Variants in ZDHHC3 observed in about 807,000 individuals in gnomAD.
The protein encoded by ZDHHC3 is zDHHC palmitoyltransferase 3.
Under a neutral mutation model 30.6 loss-of-function variants are expected in ZDHHC3, and 9 were observed. The observed-to-expected ratio is 0.29, with a 90% CI of 0.18 to 0.51. The LOEUF (loss-of-function observed/expected upper bound fraction) is 0.51. Ranked by LOEUF, ZDHHC3 falls within the 20% of genes least tolerant of loss-of-function variation. The pLI, the probability that ZDHHC3 is intolerant of heterozygous loss-of-function variation, is 0.97. For synonymous variants in ZDHHC3, 136 were observed against 140.2 expected (o/e 0.97, Z 0.21); for missense variants, 246 against 384.2 (o/e 0.64, Z 3.01).
At chr3:44,969,467 G>A (rs1268257408) in intron 1 of ZDHHC3, 7 of 152,208 alleles carry the variant, frequency 4.6e-5, no homozygotes, top group African/African-American at 1.7e-4. Context: ...AAGTGGTGGA[G>A]ACAGGATATA....
intron 3 of ZDHHC3, among the ~76,000 whole-genome samples, chr3:44,936,139 T>C (rs1000461922): frequency 1.3e-5 from 2 of 152,056 alleles, no homozygotes; most frequent in Non-Finnish European, 2.9e-5. Context: ...ATCTGGCAAC[T>C]ATAAGGAAAT....
rs184758893 is a variant in ZDHHC3, at chr3:44,944,393, G to A, written c.431+775C>T. Among the ~76,000 whole-genome samples, 546 of 152,228 alleles carry A rather than the reference G, an allele frequency of 3.6e-3. 13 individuals are homozygous for A. In the East Asian group the frequency reaches 0.052, roughly 14 times the overall value. On this transcript the variant is annotated intron_variant, in intron 3 of 6. Coordinates refer to ENST00000424952, the MANE Select transcript of ZDHHC3 (RefSeq NM_001135179.2). ...ACTCCTGACCTCAGGTGATCCGCCC[G>A]CCTCAGCCTCCTAAAGTGCTGGGAT...
chr3:44,974,359 T>C (rs1189883227), intron 1 of ZDHHC3, among the ~76,000 whole-genome samples: 1 of 152,234 alleles, frequency 6.6e-6, no homozygotes, highest in African/African-American at 2.4e-5. Context: ...CTTTTCTTCC[T>C]GTGTCTTTCT....
chr3:44,926,934 A>G (rs1701041936), intron 6 of ZDHHC3, 87 bp from the exon 7 acceptor site: 1 of 1,443,296 alleles, frequency 6.9e-7, no homozygotes, highest in African/African-American at 1.4e-5. Context: ...AGGTGAATGG[A>G]GTAAATGTTT....
intron 1 of ZDHHC3, among the ~76,000 whole-genome samples, chr3:44,963,500 C>A (rs201374896): frequency 4.8e-5 from 7 of 146,258 alleles, no homozygotes; most frequent in Admixed American, 6.8e-5. Flanking sequence ...AGAAATATGG[C>A]AAAAAAAAAA....
At chr3:44,966,423 T>C (rs1245416807) in intron 1 of ZDHHC3, among the ~76,000 whole-genome samples, 1 of 152,222 alleles carries the variant, frequency 6.6e-6, no homozygotes, top group African/African-American at 2.4e-5. Flanking sequence ...TAGTTCAGTC[T>C]ACCCTTAAAC....
Position 44,925,457 on chromosome 3 carries a change from C to T in ZDHHC3, c.*1232G>A. ...GCACTTGGAGGGCACTCCCTACCTC[C>T]TTCACCTCTATCCACCATCACCACC... On this transcript the variant is annotated 3_prime_UTR_variant, in exon 7 of 7. Transcript: ENST00000424952. 2 of 985,480 alleles carry T rather than the reference C, an allele frequency of 2.0e-6. No homozygotes were observed. Among genetic ancestry groups the T allele is most frequent in the African/African-American group, 1.7e-5 (1 of 57,374 alleles). 61.0% of individuals were successfully genotyped at this position (985,480 alleles called of 1,614,324 possible). A position where few individuals can be genotyped will look rare whatever the true frequency, so the allele number is the denominator to read the frequency against.
At position 44,917,814 on chromosome 3, in the gene ZDHHC3, C is replaced by A. The variant is rs1318019583; in HGVS notation, c.*8875G>T. The stretch of plus-strand genomic sequence containing the variant: ...CTGGGGGTGCTGGGAGCGCACCATG[C>A]CCATAAGCCCCTTTAGCCAAAACCC... On this transcript the variant is annotated 3_prime_UTR_variant, in exon 7 of 7. Transcript: ENST00000424952. 4 of 1,254,442 alleles carry A rather than the reference C, an allele frequency of 3.2e-6. No individual in the cohort carries two copies. The highest frequency in any genetic ancestry group is 3.1e-5 in the African/African-American group (2 of 65,312). The allele number at this position is 1,254,442 out of a possible 1,614,324, so 77.7% of individuals were successfully genotyped here. A position where few individuals can be genotyped will look rare whatever the true frequency, so the allele number is the denominator to read the frequency against.
At chr3:44,955,867 T>G (rs1703908934) in intron 2 of ZDHHC3, among the ~76,000 whole-genome samples, 1 of 152,174 alleles carries the variant, frequency 6.6e-6, no homozygotes, top group Non-Finnish European at 1.5e-5. Context: ...ATGAAGACCC[T>G]AAAATAGGGC....
chr3:44,932,784 AC>A (rs869063901), intron 5 of ZDHHC3: 4 of 675,226 alleles, frequency 5.9e-6, no homozygotes, highest in Non-Finnish European at 5.2e-6. Context: ...AAGACAGAAA[AC>A]AAAACTTCTC....
chr3:44,933,439 C>CCAGGCATGACCTGGGCTCCAGG, intron 4 of ZDHHC3: 1 of 588,656 alleles, frequency 1.7e-6, no homozygotes, highest in Non-Finnish European at 3.0e-6. Flanking sequence ...AAGCCCGTCA[C>CCAGGCATGACCTGGGCTCCAGG]CAGGCATGAC....
At position 44,924,835 on chromosome 3, in the gene ZDHHC3, C is replaced by A. The variant is rs1700856656; in HGVS notation, c.*1854G>T. 1.0e-6 allele frequency: 1 copy of A among 985,400 alleles called. No individual in the cohort carries two copies. Among genetic ancestry groups the A allele is most frequent in the South Asian group, 4.7e-5 (1 of 21,294 alleles). 61.0% of individuals were successfully genotyped at this position (985,400 alleles called of 1,614,324 possible). A position where few individuals can be genotyped will look rare whatever the true frequency, so the allele number is the denominator to read the frequency against. On this transcript the variant is annotated 3_prime_UTR_variant, in exon 7 of 7. Coordinates refer to ENST00000424952, the MANE Select transcript of ZDHHC3 (RefSeq NM_001135179.2). ...TATCAACTTGATCTAAAACAGCATT[C>A]TTTTCTTTTTAATCTTAGCATCTCA...
At chr3:44,943,538 A>T (rs1315323476) in intron 3 of ZDHHC3, among the ~76,000 whole-genome samples, 4 of 152,136 alleles carry the variant, frequency 2.6e-5, no homozygotes, top group Non-Finnish European at 5.9e-5. Flanking sequence ...GCCAGGCAGA[A>T]ATCGCCGTTC....
intron 1 of ZDHHC3, among the ~76,000 whole-genome samples, chr3:44,964,848 G>T (rs2125921679): frequency 6.6e-6 from 1 of 152,224 alleles, no homozygotes; most frequent in South Asian, 2.1e-4. Context: ...TTGGCTAAGG[G>T]TTTTATAGCA....
intron 2 of ZDHHC3, among the ~76,000 whole-genome samples, chr3:44,947,908 C>G (rs533275688): frequency 6.6e-6 from 1 of 152,316 alleles, no homozygotes; most frequent in South Asian, 2.1e-4. Context: ...CAACAGGGAG[C>G]CAAGGATGTG....
chr3:44,959,357 G>T lies in ZDHHC3; in HGVS notation c.80C>A (p.Pro27His). 1.2e-6 allele frequency: 2 copies of T among 1,614,238 alleles called. No individual in the cohort carries two copies. The highest frequency in any genetic ancestry group is 1.3e-5 in the African/African-American group (1 of 75,076). ...GGTTCCCACAGGACCAGGGTAGGGG[G>T]GTGGGACACACTTCTCTGGCTGGAG... is the stretch of plus-strand genomic sequence containing the variant. ...EYLQPEKCVP[P>H]PYPGPVGTMW... The change falls in exon 2 of 7, where the codon CCC becomes CAC. Residue 27 changes from proline to histidine, a missense_variant. Coordinates refer to ENST00000424952, the MANE Select transcript of ZDHHC3 (RefSeq NM_001135179.2). The surrounding 1 kb of genome is among the most constrained non-coding windows in gnomAD (Gnocchi z 4.3).
Position 44,923,304 on chromosome 3 carries a change from T to C in ZDHHC3, c.*3385A>G. ...TGTTAGCCAGGATGATCTCGATCTC[T>C]TGACCTCGTGATCTGCCCGCCTCGG... On this transcript the variant is annotated 3_prime_UTR_variant, in exon 7 of 7. Transcript: ENST00000424952. 2.1e-6 allele frequency: 2 copies of C among 966,348 alleles called. No individual in the cohort carries two copies. Among genetic ancestry groups the C allele is most frequent in the Non-Finnish European group, 2.5e-6 (2 of 812,610 alleles). The allele number at this position is 966,348 out of a possible 1,614,324, so 59.9% of individuals were successfully genotyped here.
Position 44,929,297 on chromosome 3 carries a change from C to T in ZDHHC3, c.741+9G>A. 1 of 1,613,482 alleles carries T rather than the reference C, an allele frequency of 6.2e-7. No homozygotes were observed. Among genetic ancestry groups the T allele is most frequent in the Non-Finnish European group, 8.5e-7 (1 of 1,179,658 alleles). On this transcript the variant is annotated intron_variant, in intron 6 of 6. Coordinates refer to ENST00000424952, the MANE Select transcript of ZDHHC3 (RefSeq NM_001135179.2). Reference sequence around the variant, plus strand: ...GGTGTGGAAATGGTGGGCAGAGCCACCTGCTTACCGTCTCATCTGTGCAGA... The same window carrying T: ...GGTGTGGAAATGGTGGGCAGAGCCATCTGCTTACCGTCTCATCTGTGCAGA...
At chr3:44,927,491 A>C (rs1181312227) in intron 6 of ZDHHC3, among the ~76,000 whole-genome samples, 2 of 152,204 alleles carry the variant, frequency 1.3e-5, no homozygotes, top group Non-Finnish European at 2.9e-5. Flanking sequence ...GAATGAGGGG[A>C]GAAGTCACCA....
Sources: allele counts gnomAD v4.1 joint callset (sites outside exome capture counted in the v4.1 genomes callset), GRCh38; gene constraint gnomAD v4.1.1; non-coding constraint Gnocchi (gnomAD v3.1); transcripts MANE v1.5; gene names NCBI Gene and HGNC (gene_info 2026-07-23, HGNC 2026-07-21).